PCDH11X: variants seen among roughly 807,000 people sequenced by gnomAD.
PCDH11X encodes the protein protocadherin-11 X-linked.
Under a neutral mutation model 53.3 loss-of-function variants are expected in PCDH11X, and 18 were observed. The ratio of observed to expected loss-of-function variants is 0.34; its 90% CI spans 0.23 to 0.50. The LOEUF is 0.50. PCDH11X is among the 20% of genes least tolerant of loss of function. PCDH11X has a pLI of 0.98. For missense variants in PCDH11X, 570 were observed against 1,032.4 expected (o/e 0.55, Z 6.14); for synonymous variants, 279 against 393.3 (o/e 0.71, Z 3.44).
intron 10 of PCDH11X, among the ~76,000 whole-genome samples, chrX:92,557,452 C>T (rs1465509320): frequency 9.0e-6 from 1 of 110,754 alleles, no homozygotes; most frequent in Non-Finnish European, 1.9e-5. Context: ...TCCCACCAGT[C>T]TCTTCACTAA....
At chrX:92,345,616 T>C (rs2069873527) in intron 8 of PCDH11X, among the ~76,000 whole-genome samples, 1 of 111,693 alleles carries the variant, frequency 9.0e-6, no homozygotes, top group Non-Finnish European at 1.9e-5. Flanking sequence ...TTTGTATTTG[T>C]TTTAATAACT....
chrX:92,609,042 T>C, intron 10 of PCDH11X, among the ~76,000 whole-genome samples: 1 of 111,379 alleles, frequency 9.0e-6, no homozygotes, highest in Non-Finnish European at 1.9e-5. Flanking sequence ...ACAAAATTCA[T>C]TTGAGACTCA....
intron 6 of PCDH11X, among the ~76,000 whole-genome samples, chrX:91,923,510 T>C (rs1363667150): frequency 9.0e-6 from 1 of 110,502 alleles, no homozygotes; most frequent in Non-Finnish European, 1.9e-5. Context: ...GCTTTGGGAC[T>C]CTTGGGCTTA....
chrX:92,142,370 G>GCGCACACACACACACA (rs1341736624), intron 6 of PCDH11X, among the ~76,000 whole-genome samples: 4 of 95,571 alleles, frequency 4.2e-5, no homozygotes, highest in African/African-American at 1.6e-4. Flanking sequence ...GTGCGCGCGC[G>GCGCACACACACACACA]CACACACACA....
chrX:92,364,639 A>C (rs1456609640), intron 8 of PCDH11X, among the ~76,000 whole-genome samples: 1 of 110,638 alleles, frequency 9.0e-6, no homozygotes, highest in East Asian at 2.8e-4. Flanking sequence ...AATGAACCTT[A>C]GCTTTCTATG....
At chrX:91,972,596 T>C (rs1436261481) in intron 6 of PCDH11X, among the ~76,000 whole-genome samples, 1 of 107,704 alleles carries the variant, frequency 9.3e-6, no homozygotes, top group African/African-American at 3.4e-5. Flanking sequence ...AACGTTTAAG[T>C]CTTTAATCCA....
intron 8 of PCDH11X, among the ~76,000 whole-genome samples, chrX:92,290,905 CTTTT>C (rs770461581): frequency 1.0e-5 from 1 of 97,639 alleles, no homozygotes. Flanking sequence ...TTTCTTTTGT[CTTTT>C]TTTTTTTTTT....
At chrX:92,140,373 T>C (rs1249067015) in intron 6 of PCDH11X, among the ~76,000 whole-genome samples, 2 of 111,737 alleles carry the variant, frequency 1.8e-5, no homozygotes, top group Admixed American at 9.6e-5. Flanking sequence ...TACTAGGCTA[T>C]GTTATAGAAT....
chrX:91,924,299 C>A (rs1001671055), intron 6 of PCDH11X, among the ~76,000 whole-genome samples: 1 of 110,779 alleles, frequency 9.0e-6, no homozygotes, highest in African/African-American at 3.3e-5. Context: ...AACTGACCTG[C>A]TCTTATTGGC....
chrX:92,390,517 G>T (rs767855714), intron 9 of PCDH11X, among the ~76,000 whole-genome samples: 4 of 109,603 alleles, frequency 3.6e-5, no homozygotes, highest in African/African-American at 1.3e-4. Context: ...CAAAGCTATA[G>T]CTCTGAAATA....
intron 10 of PCDH11X, among the ~76,000 whole-genome samples, chrX:92,563,508 T>C (rs967193983): frequency 9.0e-6 from 1 of 111,176 alleles, no homozygotes; most frequent in Non-Finnish European, 1.9e-5. Context: ...GCAGCAGACT[T>C]TTCCTGGAAA....
chrX:92,434,264 TGAAAA>T (rs1455412889), intron 9 of PCDH11X, among the ~76,000 whole-genome samples: 2 of 109,188 alleles, frequency 1.8e-5, no homozygotes, highest in Admixed American at 9.8e-5. Context: ...AGAAGCTTAA[TGAAAA>T]GAACACAAAT....
At chrX:91,875,040 A>G (rs1217122030) in intron 5 of PCDH11X, among the ~76,000 whole-genome samples, 1 of 109,858 alleles carries the variant, frequency 9.1e-6, no homozygotes, top group East Asian at 2.9e-4. Flanking sequence ...AGATGTACAT[A>G]TGTGTATGTG....
chrX:92,459,761 C>T (rs1399575108), intron 9 of PCDH11X: 35 of 1,155,543 alleles, frequency 3.0e-5, no homozygotes, highest in Non-Finnish European at 3.4e-5. Context: ...GTCAGCAGCG[C>T]GGCCAGCGTC....
rs180822799 is a variant in PCDH11X at position 92,502,193 on chromosome X, C to A, written c.3367+33871C>A. On this transcript the variant is annotated intron_variant, in intron 10 of 10. Transcript: ENST00000682573. ...TGAGGGACCACTTCAAGGACAACTA[C>A]AAACCACCACTCAAGGAAATCAGAG... is the stretch of plus-strand genomic sequence containing the variant. Among the ~76,000 whole-genome samples the A allele has an allele frequency of 3.0e-3, 330 of 110,352 alleles. 2 individuals carry two copies. Among genetic ancestry groups the A allele is most frequent in the African/African-American group, 0.01 (315 of 30,316 alleles).
At chrX:92,357,042 C>A (rs2070226120) in intron 8 of PCDH11X, among the ~76,000 whole-genome samples, 1 of 110,405 alleles carries the variant, frequency 9.1e-6, no homozygotes, top group Non-Finnish European at 1.9e-5. Flanking sequence ...GAGCAAAGTT[C>A]AAAAATTCAC....
chrX:92,048,239 G>GA lies in PCDH11X; in HGVS notation c.3034-153120dup, dbSNP rs60882285. On this transcript the variant is annotated intron_variant, in intron 6 of 10. Transcript: ENST00000682573. ...CCTATTGATATAAAGCTTTTCTTTT[G>GA]AAAAAAAAAAAAAAAACCGACTTTC... 5.9e-3 allele frequency among the ~76,000 whole-genome samples: 439 copies of GA among 74,343 alleles called. 1 individual carries two copies. The highest frequency in any genetic ancestry group is 0.023 in the Middle Eastern group (3 of 132). The allele number at this position is 74,343 out of a possible 115,157, so 64.6% of individuals were successfully genotyped here.
chrX:91,894,926 G>T (rs983493869), intron 6 of PCDH11X, among the ~76,000 whole-genome samples: 3 of 110,773 alleles, frequency 2.7e-5, no homozygotes, highest in Non-Finnish European at 5.7e-5. Flanking sequence ...ACACATTAAA[G>T]AAACATGCTG....
At chrX:92,099,586 G>T (rs1320382472) in intron 6 of PCDH11X, among the ~76,000 whole-genome samples, 1 of 111,736 alleles carries the variant, frequency 8.9e-6, no homozygotes, top group Admixed American at 9.6e-5. Context: ...AATAACTTCT[G>T]CCTAGAATAA....
Sources: gnomAD v4.1 joint callset for allele counts (sites outside exome capture counted in the v4.1 genomes callset) on GRCh38, gnomAD v4.1.1 for gene constraint, MANE v1.5 for transcripts, NCBI Gene and HGNC (gene_info 2026-07-23, HGNC 2026-07-21) for gene names.